Variants in RMDN2 observed in about 807,000 individuals in gnomAD.
The protein encoded by RMDN2 is regulator of microtubule dynamics 2.
RMDN2 carries 61 observed loss-of-function variants against 52.8 expected under a neutral mutation model. The ratio of observed to expected loss-of-function variants is 1.16; its 90% CI spans 0.94 to 1.43. RMDN2 has a LOEUF of 1.43. Among genes scored for constraint, RMDN2 ranks in the 40% most tolerant of loss-of-function variants. The pLI, the probability that RMDN2 is intolerant of heterozygous loss-of-function variation, is 0.00. For missense variants in RMDN2, 592 were observed against 475.3 expected (o/e 1.25, Z -2.28); for synonymous variants, 180 against 153.1 (o/e 1.18, Z -1.30).
chr2:37,977,271 C>T (rs1046474634), intron 4 of RMDN2, among the ~76,000 whole-genome samples: 10 of 152,238 alleles, frequency 6.6e-5, no homozygotes, highest in Non-Finnish European at 1.0e-4. Context: ...AATCTGATCT[C>T]TCTTTCTTTT....
chr2:37,940,519 C>G (rs968833471), intron 2 of RMDN2, among the ~76,000 whole-genome samples: 5 of 152,190 alleles, frequency 3.3e-5, no homozygotes, highest in Non-Finnish European at 7.4e-5. Flanking sequence ...TCAGGTGCAC[C>G]AAACAAACAC....
At chr2:37,984,354 C>T (rs1309041373) in intron 5 of RMDN2, among the ~76,000 whole-genome samples, 1 of 152,142 alleles carries the variant, frequency 6.6e-6, no homozygotes, top group Non-Finnish European at 1.5e-5. Context: ...TAATGTCTTA[C>T]ATATTGGTTG....
chr2:38,018,191 C>T (rs1449422785), downstream of RMDN2, among the ~76,000 whole-genome samples: 2 of 152,168 alleles, frequency 1.3e-5, no homozygotes, highest in Non-Finnish European at 1.5e-5. Flanking sequence ...GCTGAGAGGC[C>T]TGACACTAGC....
At position 37,972,481 on chromosome 2, in the gene RMDN2, A is replaced by G. The variant is rs1465088047; in HGVS notation, c.453-1559A>G. 2.2e-4 allele frequency among the ~76,000 whole-genome samples: 34 copies of G among 152,202 alleles called. 1 individual carries two copies. The highest frequency in any genetic ancestry group is 1.9e-3 in the Admixed American group (29 of 15,272). On this transcript the variant is annotated intron_variant, in intron 2 of 10. Transcript: ENST00000354545. ...AGCAAGCAGGAAAGTGATAGAAGAT[A>G]AGACCAGAGGTATTGGCCAGATTAT...
chr2:38,023,201 A>T (rs1445639058), intron 10 of RMDN2, among the ~76,000 whole-genome samples: 7 of 152,214 alleles, frequency 4.6e-5, no homozygotes, highest in Admixed American at 4.6e-4. Context: ...TGAGCAAAAG[A>T]TTTGGAGTTG....
In RMDN2 at chr2:37,929,674, A is replaced by G; in HGVS notation, c.397A>G (p.Thr133Ala). The G allele has an allele frequency of 2.6e-6, 4 of 1,534,382 alleles. No individual in the cohort carries two copies. Among genetic ancestry groups the G allele is most frequent in the Non-Finnish European group, 3.5e-6 (4 of 1,142,882 alleles). The change falls in exon 2 of 11, where the codon ACA (threonine) becomes GCA (alanine). Residue 133 changes from threonine (T) to alanine (A), a missense_variant. Coordinates refer to ENST00000354545, the MANE Select transcript of RMDN2 (RefSeq NM_001170791.3). ...CAGAGCGAGAAAAAGAAGACTCCCC[A>G]CAATTCAAAGTTCAGCAACAAGTAA... ...QHRARKRRLPTIQSSATSNSS... is the reference protein window; with the variant it reads ...QHRARKRRLPAIQSSATSNSS...
At chr2:38,010,821 C>T (rs1677879056) in intron 10 of RMDN2, among the ~76,000 whole-genome samples, 2 of 152,350 alleles carry the variant, frequency 1.3e-5, no homozygotes, top group Admixed American at 1.3e-4. Flanking sequence ...GAGCTGTAGA[C>T]TGGAGCTGTT....
At chr2:38,013,942 C>G (rs984097155) in intron 10 of RMDN2, among the ~76,000 whole-genome samples, 6 of 152,206 alleles carry the variant, frequency 3.9e-5, no homozygotes, top group Non-Finnish European at 7.3e-5. Flanking sequence ...CGTCGTGGCT[C>G]ACGCCTGTAA....
In RMDN2 at chr2:38,012,573, A is replaced by G. The variant is rs781052751; in HGVS notation, c.1180-4613A>G. 12 of 466,910 alleles carry G rather than the reference A, an allele frequency of 2.6e-5. 1 individual carries two copies. The highest frequency in any genetic ancestry group is 1.6e-4 in the South Asian group (10 of 63,048). 28.9% of individuals were successfully genotyped at this position (466,910 alleles called of 1,614,324 possible). A position where few individuals can be genotyped will look rare whatever the true frequency, so the allele number is the denominator to read the frequency against. On this transcript the variant is annotated intron_variant, in intron 10 of 10. Coordinates refer to ENST00000354545, the MANE Select transcript of RMDN2 (RefSeq NM_001170791.3). ...GTAATAAGCAAAATAGTATGAGCAA[A>G]TATTTCTCACATTGCATTTTTTTCC...
intron 2 of RMDN2, among the ~76,000 whole-genome samples, chr2:37,955,647 GA>G (rs1669356140): frequency 6.6e-6 from 1 of 152,102 alleles, no homozygotes; most frequent in African/African-American, 2.4e-5. Context: ...CAAGAGATCT[GA>G]TGGAGTTTTC....
At chr2:37,958,270 T>A (rs764843471) in intron 2 of RMDN2, among the ~76,000 whole-genome samples, 9 of 152,202 alleles carry the variant, frequency 5.9e-5, no homozygotes, top group Non-Finnish European at 8.8e-5. Flanking sequence ...ATTCTTTGTA[T>A]CCATGAGTGT....
intron 2 of RMDN2, among the ~76,000 whole-genome samples, chr2:37,935,946 C>T (rs1395410987): frequency 2.6e-5 from 4 of 151,990 alleles, no homozygotes; most frequent in Non-Finnish European, 4.4e-5. Flanking sequence ...ATGTGCAGAA[C>T]GTGCAGGTTT....
intron 2 of RMDN2, among the ~76,000 whole-genome samples, chr2:37,970,776 AT>A (rs1257692192): frequency 6.6e-6 from 1 of 152,208 alleles, no homozygotes; most frequent in African/African-American, 2.4e-5. Flanking sequence ...AAAGAATAAC[AT>A]AAAGATAATA....
intron 10 of RMDN2, among the ~76,000 whole-genome samples, chr2:38,044,378 C>T (rs1012342631): frequency 3.3e-5 from 5 of 151,982 alleles, no homozygotes; most frequent in East Asian, 1.9e-4. Flanking sequence ...TTTATCCCTC[C>T]TGGTTTTCTC....
chr2:38,062,394 A>T lies in RMDN2; in HGVS notation c.1714-4588A>T, dbSNP rs544532952. 2.0e-5 allele frequency among the ~76,000 whole-genome samples: 3 copies of T among 152,318 alleles called. No homozygotes were observed. In the South Asian group the frequency reaches 6.2e-4, roughly 32 times the overall value. ...GAGATTCATTCAAGTTGTTGTGTGT[A>T]TCAATGGTTCATTCTTTTTTATTAC... On this transcript the variant is annotated intron_variant, in intron 10 of 10. Coordinates refer to the RMDN2 transcript ENST00000234195.
downstream of RMDN2, among the ~76,000 whole-genome samples, chr2:38,018,478 G>T (rs1440721524): frequency 6.6e-6 from 1 of 152,184 alleles, no homozygotes; most frequent in Non-Finnish European, 1.5e-5. Context: ...ATAGCATTAT[G>T]TCCAACAGTA....
At chr2:37,988,437 C>G (rs1050713575) in intron 5 of RMDN2, among the ~76,000 whole-genome samples, 4 of 152,016 alleles carry the variant, frequency 2.6e-5, no homozygotes, top group Non-Finnish European at 4.4e-5. Flanking sequence ...ATAGCAGATT[C>G]TGTTGATTAT....
chr2:37,952,673 GCT>G, intron 2 of RMDN2: 1 of 166,334 alleles, frequency 6.0e-6, no homozygotes, highest in Non-Finnish European at 1.3e-5. Flanking sequence ...AGCCTTGCTA[GCT>G]ATATTTCTCA....
intron 10 of RMDN2, among the ~76,000 whole-genome samples, chr2:38,035,398 A>G (rs1004969837): frequency 6.6e-6 from 1 of 152,204 alleles, no homozygotes; most frequent in Non-Finnish European, 1.5e-5. Context: ...AAATTTGATA[A>G]AATTCCAATA....
Sources: gnomAD v4.1 joint callset for allele counts (sites outside exome capture counted in the v4.1 genomes callset) on GRCh38, gnomAD v4.1.1 for gene constraint, MANE v1.5 for transcripts, NCBI Gene and HGNC (gene_info 2026-07-23, HGNC 2026-07-21) for gene names.